Variants in LRP1B observed in about 807,000 individuals in gnomAD.
The protein encoded by LRP1B is LDL receptor related protein 1B, also known as low-density lipoprotein receptor-related protein 1B.
In LRP1B, 217 loss-of-function variants were observed where a neutral mutation model predicts 556.6. The observed-to-expected ratio is 0.39, with a 90% CI of 0.35 to 0.44. The LOEUF (loss-of-function observed/expected upper bound fraction) is 0.44, where lower values mean the gene tolerates loss of function less well. Among genes scored for constraint, LRP1B ranks in the 20% least tolerant of loss-of-function variants. The probability of loss-of-function intolerance (pLI) is 1.00; values close to 1 mark genes in which losing one functional copy is unlikely to be tolerated. For synonymous variants in LRP1B, 2,047 were observed against 1,865.8 expected (o/e 1.10, Z -2.50); for missense variants, 5,053 against 5,620.8 (o/e 0.90, Z 3.23).
intron 3 of LRP1B, among the ~76,000 whole-genome samples, chr2:141,419,609 T>C (rs1045016155): frequency 6.6e-6 from 1 of 152,140 alleles, no homozygotes; most frequent in African/African-American, 2.4e-5. Flanking sequence ...TCTGTAACAA[T>C]CTGTAATGTC....
At chr2:142,071,184 C>T (rs758096374) in intron 1 of LRP1B, among the ~76,000 whole-genome samples, 6 of 151,894 alleles carry the variant, frequency 4.0e-5, no homozygotes, top group Non-Finnish European at 8.8e-5. Flanking sequence ...AATATACTTT[C>T]TAAAAACATC....
intron 20 of LRP1B, among the ~76,000 whole-genome samples, chr2:140,927,463 T>C (rs1694919214): frequency 6.6e-6 from 1 of 152,154 alleles, no homozygotes; most frequent in African/African-American, 2.4e-5. Flanking sequence ...CATTTTTAAC[T>C]TCTTGTATGG....
chr2:141,374,232 T>C (rs891113773), intron 3 of LRP1B, among the ~76,000 whole-genome samples: 7 of 152,226 alleles, frequency 4.6e-5, no homozygotes, highest in African/African-American at 1.7e-4. Flanking sequence ...AGGTTTCTGC[T>C]GAAAAGTTTA....
intron 2 of LRP1B, among the ~76,000 whole-genome samples, chr2:141,570,270 G>A (rs1686479946): frequency 6.6e-6 from 1 of 151,052 alleles, no homozygotes; most frequent in South Asian, 2.1e-4. Context: ...GACCCATGGA[G>A]AGAAGGAAGA....
rs1682953578 is a variant in LRP1B, at chr2:140,370,658, C to T, written c.11008+52G>A. 4 of 1,602,902 alleles carry T rather than the reference C, an allele frequency of 2.5e-6. No homozygotes were observed. In the East Asian group the frequency reaches 8.9e-5, roughly 36 times the overall value. ...CATACACTGTATATTCTGCACAGAA[C>T]CTTAACTTTCATTCTCTCATTTACA... On this transcript the variant is annotated intron_variant, in intron 71 of 90. Transcript: ENST00000389484.
At chr2:140,233,440 AATTT>A (rs1680560153) in intron 90 of LRP1B, 114 bp from the exon 91 acceptor site, 1 of 617,058 alleles carries the variant, frequency 1.6e-6, no homozygotes, top group Admixed American at 3.6e-5. Flanking sequence ...CAATACATTT[AATTT>A]ATTAAATAGT....
rs111584608 is a variant in LRP1B, at chr2:140,383,415, A to G, written c.10531+2478T>C. On this transcript the variant is annotated intron_variant, in intron 67 of 90. Transcript: ENST00000389484. ...TTTTTCTAAAGCTTGTTTCTATATG[A>G]CTAATATTTTGGTGCTCCCCAAAGA... is the stretch of plus-strand genomic sequence containing the variant. Among the ~76,000 whole-genome samples the G allele has an allele frequency of 1.1e-4, 16 of 151,948 alleles. 1 individual carries two copies. The highest frequency in any genetic ancestry group is 3.9e-4 in the African/African-American group (16 of 41,446).
intron 1 of LRP1B, among the ~76,000 whole-genome samples, chr2:142,034,095 A>G (rs1441955574): frequency 2.0e-5 from 3 of 151,756 alleles, no homozygotes; most frequent in Non-Finnish European, 4.4e-5. Context: ...TTGATTCAAC[A>G]TGCAAAACAT....
At chr2:140,646,801 C>T (rs1684501162) in intron 41 of LRP1B, among the ~76,000 whole-genome samples, 4 of 151,776 alleles carry the variant, frequency 2.6e-5, no homozygotes, top group Admixed American at 1.3e-4. Flanking sequence ...TGAGCAAATA[C>T]ATACATATGT....
chr2:140,983,439 AACAC>A (rs1405564086), intron 17 of LRP1B, among the ~76,000 whole-genome samples: 1 of 152,250 alleles, frequency 6.6e-6, no homozygotes, highest in Non-Finnish European at 1.5e-5. Flanking sequence ...TTGTCTCATC[AACAC>A]ACTTTGTGAA....
At chr2:141,262,049 T>A (rs1254806180) in intron 3 of LRP1B, among the ~76,000 whole-genome samples, 2 of 152,172 alleles carry the variant, frequency 1.3e-5, no homozygotes, top group African/African-American at 4.8e-5. Flanking sequence ...GCAGTTGGTA[T>A]TTTCAGCTTT....
intron 2 of LRP1B, among the ~76,000 whole-genome samples, chr2:141,736,579 C>G (rs1274263506): frequency 2.0e-5 from 3 of 152,090 alleles, no homozygotes; most frequent in South Asian, 2.1e-4. Context: ...GCTACCAGAA[C>G]AGTGAGACAG....
intron 35 of LRP1B, among the ~76,000 whole-genome samples, chr2:140,759,351 A>G (rs1688842777): frequency 6.6e-6 from 1 of 152,206 alleles, no homozygotes; most frequent in African/African-American, 2.4e-5. Context: ...CTAGAATTTT[A>G]TACTAGACGC....
intron 7 of LRP1B, among the ~76,000 whole-genome samples, chr2:141,125,245 C>T (rs572844134): frequency 1.3e-5 from 2 of 152,150 alleles, no homozygotes; most frequent in South Asian, 2.1e-4. Flanking sequence ...TGCAAACTTG[C>T]TATGTTGACC....
chr2:142,121,206 T>C (rs1707447502), intron 1 of LRP1B, among the ~76,000 whole-genome samples: 1 of 152,182 alleles, frequency 6.6e-6, no homozygotes, highest in East Asian at 1.9e-4. Context: ...TCAACATCTT[T>C]TCCAGGATGA....
Position 140,370,729 on chromosome 2 carries a change from A to G in LRP1B, c.10989T>C (p.Asp3663=). The part of the protein sequence containing the change: ...DGIHDCVDGS[D]EENCERGGNI... The stretch of plus-strand genomic sequence containing the variant: ...CCTTACCTCTTTCACAGTTCTCTTC[A>G]TCACTGCCATCCACACAGTCATGAA... Residue 3663 remains aspartate, a synonymous_variant, in exon 71 of 91, where the codon GAT becomes GAC. Coordinates refer to ENST00000389484, the MANE Select transcript of LRP1B (RefSeq NM_018557.3). 6.2e-7 allele frequency: 1 copy of G among 1,612,754 alleles called. No homozygotes were observed. The highest frequency in any genetic ancestry group is 1.3e-5 in the African/African-American group (1 of 74,948).
intron 6 of LRP1B, among the ~76,000 whole-genome samples, chr2:141,193,221 C>T (rs1033267316): frequency 2.6e-5 from 4 of 151,978 alleles, no homozygotes; most frequent in Non-Finnish European, 4.4e-5. Flanking sequence ...ACCCAGCAAT[C>T]CCATTACTGT....
intron 23 of LRP1B, among the ~76,000 whole-genome samples, chr2:140,901,371 A>G (rs1045833744): frequency 1.3e-5 from 2 of 151,750 alleles, no homozygotes; most frequent in Non-Finnish European, 2.9e-5. Flanking sequence ...GTATTTTCAT[A>G]CTTCCTCTAA....
chr2:141,717,629 C>G (rs971478299), intron 2 of LRP1B, among the ~76,000 whole-genome samples: 1 of 152,150 alleles, frequency 6.6e-6, no homozygotes, highest in Non-Finnish European at 1.5e-5. Flanking sequence ...GGAATAAAGA[C>G]AGATTTTTCT....
Sources: gnomAD v4.1 joint callset for allele counts (sites outside exome capture counted in the v4.1 genomes callset) on GRCh38, gnomAD v4.1.1 for gene constraint, MANE v1.5 for transcripts, NCBI Gene and HGNC (gene_info 2026-07-23, HGNC 2026-07-21) for gene names.